Variants in CDH13 observed in about 807,000 individuals in gnomAD.
The protein encoded by CDH13 is cadherin 13.
Under a neutral mutation model 63.8 loss-of-function variants are expected in CDH13, and 24 were observed. The observed-to-expected ratio is 0.38, with a 90% confidence interval of 0.27 to 0.53. CDH13 has a LOEUF of 0.53. Among genes scored for constraint, CDH13 ranks in the 20% least tolerant of loss-of-function variants. The pLI is 0.85. For synonymous variants in CDH13, 503 were observed against 355.3 expected, an observed-to-expected ratio of 1.42 and a Z score of -4.67; for missense variants, 1,049 against 903.1, an observed-to-expected ratio of 1.16 and a Z score of -2.07.
At chr16:83,669,014 C>G (rs1914258240) in intron 8 of CDH13, among the ~76,000 whole-genome samples, 2 of 152,150 alleles carry the variant, frequency 1.3e-5, no homozygotes, top group South Asian at 2.1e-4. Flanking sequence ...TGCTTCTTGC[C>G]CCGACTACAT....
chr16:82,639,987 C>G (rs963681814), intron 1 of CDH13, among the ~76,000 whole-genome samples: 2 of 152,210 alleles, frequency 1.3e-5, no homozygotes, highest in African/African-American at 4.8e-5. Flanking sequence ...AAGACAATAT[C>G]TCAAGCACAA....
chr16:83,260,166 A>T (rs191953984), intron 5 of CDH13, among the ~76,000 whole-genome samples: 50 of 151,490 alleles, frequency 3.3e-4, no homozygotes, highest in Admixed American at 2.8e-3. Flanking sequence ...CAAAGTTTAC[A>T]AATAATACTT....
At chr16:82,700,470 A>G (rs1311521785) in intron 1 of CDH13, among the ~76,000 whole-genome samples, 2 of 152,164 alleles carry the variant, frequency 1.3e-5, no homozygotes, top group African/African-American at 4.8e-5. Context: ...ATTTTCAAAT[A>G]ATAAAGTCAA....
intron 3 of CDH13, among the ~76,000 whole-genome samples, chr16:83,116,677 G>T (rs1367076764): frequency 6.6e-6 from 1 of 152,220 alleles, no homozygotes; most frequent in Non-Finnish European, 1.5e-5. Flanking sequence ...TGATGGAGAT[G>T]TTCTAAAATT....
At chr16:83,051,830 C>T (rs1026045734) in intron 3 of CDH13, among the ~76,000 whole-genome samples, 9 of 152,170 alleles carry the variant, frequency 5.9e-5, no homozygotes, top group South Asian at 2.1e-4. Flanking sequence ...GGAAACAGAC[C>T]GAAAACTTTG....
In CDH13 at chr16:83,393,446, G is replaced by C. The variant is rs371950625; in HGVS notation, c.781+48440G>C. Among the ~76,000 whole-genome samples the C allele has an allele frequency of 3.1e-4, 47 of 152,290 alleles. 2 individuals carry two copies. In the South Asian group the frequency reaches 8.5e-3, roughly 28 times the overall value. ...AGAGATGTGAGGAGAAGCCAGCCCA[G>C]AATTTCTGTCACAATCTGCTGCCCG... On this transcript the variant is annotated intron_variant, in intron 6 of 13. Coordinates refer to ENST00000567109, the MANE Select transcript of CDH13 (RefSeq NM_001257.5).
chr16:83,334,386 C>CACAT, intron 5 of CDH13, among the ~76,000 whole-genome samples: 1 of 138,900 alleles, frequency 7.2e-6, no homozygotes, highest in African/African-American at 2.6e-5. Context: ...CACACACACA[C>CACAT]ACACACACAG....
intron 1 of CDH13, among the ~76,000 whole-genome samples, chr16:82,834,221 T>A (rs1223955957): frequency 2.0e-5 from 3 of 152,178 alleles, no homozygotes; most frequent in Non-Finnish European, 4.4e-5. Context: ...TTCAGATGAA[T>A]TTAAAGGTCA....
At chr16:82,700,414 A>T (rs1034906727) in intron 1 of CDH13, among the ~76,000 whole-genome samples, 1 of 152,202 alleles carries the variant, frequency 6.6e-6, no homozygotes, top group African/African-American at 2.4e-5. Context: ...ACCAGTGAAG[A>T]GTTACCGTGT....
Position 82,696,434 on chromosome 16 carries a change from A to G in CDH13, c.45+69297A>G, listed in dbSNP as rs1200595521. On this transcript the variant is annotated intron_variant, in intron 1 of 13. Transcript: ENST00000567109. The stretch of plus-strand genomic sequence containing the variant: ...AATGGGAACACCGTTGTTTTGTAAG[A>G]GTAAGAAATTTTGGTAGTCACAAGG... 2.6e-5 allele frequency among the ~76,000 whole-genome samples: 4 copies of G among 152,254 alleles called. No individual in the cohort carries two copies. In the East Asian group the frequency reaches 7.7e-4, roughly 29 times the overall value.
chr16:83,203,481 T>C (rs912891777), intron 4 of CDH13, among the ~76,000 whole-genome samples: 1 of 151,574 alleles, frequency 6.6e-6, no homozygotes, highest in Admixed American at 6.6e-5. Context: ...GGTTAGGAGA[T>C]CAAGACCATC....
At chr16:83,035,746 T>C (rs142245623) in intron 3 of CDH13, among the ~76,000 whole-genome samples, 13 of 152,200 alleles carry the variant, frequency 8.5e-5, no homozygotes, top group Admixed American at 6.5e-4. Context: ...CTGTGTTACC[T>C]TCAGTCAATT....
chr16:82,821,743 C>A (rs1212782716), intron 1 of CDH13, among the ~76,000 whole-genome samples: 1 of 152,158 alleles, frequency 6.6e-6, no homozygotes, highest in Non-Finnish European at 1.5e-5. Context: ...TGGGGATGGT[C>A]ATTGAGGGCT....
intron 2 of CDH13, among the ~76,000 whole-genome samples, chr16:83,017,804 C>G (rs1914950503): frequency 2.0e-5 from 3 of 152,092 alleles, no homozygotes. Context: ...GCTTTGATGC[C>G]ACAGCCATTT....
intron 5 of CDH13, among the ~76,000 whole-genome samples, chr16:83,327,217 A>T (rs188835712): frequency 6.6e-6 from 1 of 152,234 alleles, no homozygotes; most frequent in East Asian, 1.9e-4. Context: ...ACAAAATCAT[A>T]TACTATCAGT....
chr16:83,752,913 C>G (rs558358621), intron 11 of CDH13, among the ~76,000 whole-genome samples: 1 of 152,138 alleles, frequency 6.6e-6, no homozygotes, highest in Admixed American at 6.5e-5. Flanking sequence ...TTCCATGACC[C>G]AAGAAATATA....
At chr16:82,949,224 A>G (rs1197959153) in intron 2 of CDH13, among the ~76,000 whole-genome samples, 1 of 152,162 alleles carries the variant, frequency 6.6e-6, no homozygotes, top group Non-Finnish European at 1.5e-5. Context: ...TGTCTAGGGG[A>G]GGATTCGGCC....
intron 7 of CDH13, among the ~76,000 whole-genome samples, chr16:83,510,963 A>G (rs958698750): frequency 6.6e-6 from 1 of 152,240 alleles, no homozygotes; most frequent in Non-Finnish European, 1.5e-5. Context: ...CTATTCTGTC[A>G]TGTAAGGACA....
At position 83,102,375 on chromosome 16, in the gene CDH13, C is replaced by G. The variant is rs533306151; in HGVS notation, c.367-23010C>G. Among the ~76,000 whole-genome samples the G allele has an allele frequency of 1.4e-4, 21 of 152,214 alleles. No homozygotes were observed. The South Asian group carries it at 4.1e-3, about 30-fold the overall frequency. ...TGTGGCTATCTGGCGGAAGAGATAC[C>G]CAGGCAGGGAGACCAGCAAATCTGC... On this transcript the variant is annotated intron_variant, in intron 3 of 13. Coordinates refer to ENST00000567109, the MANE Select transcript of CDH13 (RefSeq NM_001257.5).
Sources: allele counts gnomAD v4.1 joint callset (sites outside exome capture counted in the v4.1 genomes callset), GRCh38; gene constraint gnomAD v4.1.1; transcripts MANE v1.5; gene names NCBI Gene and HGNC (gene_info 2026-07-23, HGNC 2026-07-21).